FRMPD4: variants seen among roughly 807,000 people sequenced by gnomAD.
The protein encoded by FRMPD4 is FERM and PDZ domain containing 4, also known as FERM and PDZ domain-containing protein 4.
In FRMPD4, 22 loss-of-function variants were observed where a neutral mutation model predicts 94.1. That is an observed-to-expected ratio of 0.23 (90% CI 0.17 to 0.33). The LOEUF is 0.33. FRMPD4 is among the 10% of genes least tolerant of loss of function. The pLI, the probability that FRMPD4 is intolerant of heterozygous loss-of-function variation, is 1.00. For missense variants in FRMPD4, 1,111 were observed against 1,339.9 expected (o/e 0.83, Z 2.67); for synonymous variants, 631 against 548.6 (o/e 1.15, Z -2.10).
intron 1 of FRMPD4, among the ~76,000 whole-genome samples, chrX:12,343,271 G>A (rs1202887943): frequency 2.7e-5 from 3 of 111,992 alleles, no homozygotes; most frequent in Non-Finnish European, 5.6e-5. Context: ...GAGTGACCTT[G>A]GACTGGTGGA....
At chrX:12,698,558 A>G (rs774555242) in intron 9 of FRMPD4, among the ~76,000 whole-genome samples, 46 of 111,086 alleles carry the variant, frequency 4.1e-4, no homozygotes, top group South Asian at 1.6e-3. Context: ...ATTTGCTTGT[A>G]TAACTGTATT....
chrX:12,645,340 TCTCA>T (rs1441853936), intron 4 of FRMPD4, among the ~76,000 whole-genome samples: 6 of 96,972 alleles, frequency 6.2e-5, no homozygotes, highest in Non-Finnish European at 1.2e-4. Context: ...TTTTTAACAC[TCTCA>T]CTCTTTTTTT....
intron 2 of FRMPD4, among the ~76,000 whole-genome samples, chrX:12,587,068 G>A (rs1478570936): frequency 2.8e-5 from 3 of 108,618 alleles, no homozygotes; most frequent in East Asian, 2.9e-4. Context: ...CCTCTGCCTC[G>A]CGGGTTCAAG....
At chrX:12,178,063 G>T (rs957026484) in intron 1 of FRMPD4, among the ~76,000 whole-genome samples, 1 of 111,226 alleles carries the variant, frequency 9.0e-6, no homozygotes, top group African/African-American at 3.3e-5. Flanking sequence ...GGGGCCTTTG[G>T]GAGGTGATTA....
In FRMPD4 at chrX:11,901,173, T is replaced by G. The variant is rs765244684; in HGVS notation, c.95+23155T>G. On this transcript the variant is annotated intron_variant, in intron 3 of 18. Transcript: ENST00000640291. Reference sequence around the variant, plus strand: ...TACATGAGTAAGTTCAGTGGTTATTTGTGAGATTTTAGTGCACCCATCACC... The same window carrying G: ...TACATGAGTAAGTTCAGTGGTTATTGGTGAGATTTTAGTGCACCCATCACC... Among the ~76,000 whole-genome samples the G allele has an allele frequency of 2.7e-5, 3 of 111,650 alleles. No individual in the cohort carries two copies. In the South Asian group the frequency reaches 1.1e-3, roughly 43 times the overall value.
rs777067245 is a variant in FRMPD4 at position 12,614,797 on chromosome X, A to C, written c.338A>C (p.Lys113Thr). The change falls in exon 4 of 17, where the codon AAG (lysine) becomes ACG (threonine). Residue 113 changes from lysine to threonine, a missense_variant. Lys to Thr is a moderately conservative substitution (Grantham distance 78). Coordinates refer to ENST00000675598, the MANE Select transcript of FRMPD4 (RefSeq NM_001368397.1). ...SVTPGGPSEG[K>T]LIPGDQIVMI... ...TCTCCAGGTGGCCCCTCTGAAGGCA[A>C]GCTGATCCCGGGAGATCAGATTGTA... The C allele has an allele frequency of 1.7e-6, 2 of 1,178,672 alleles. No individual in the cohort carries two copies. The highest frequency in any genetic ancestry group is 2.3e-6 in the Non-Finnish European group (2 of 868,179).
At chrX:12,347,533 AC>A (rs1395752027) in intron 1 of FRMPD4, among the ~76,000 whole-genome samples, 1 of 111,993 alleles carries the variant, frequency 8.9e-6, no homozygotes, top group East Asian at 2.8e-4. Context: ...ACAATGCCTG[AC>A]CTTGAATTTT....
At chrX:12,309,766 C>T (rs1188203677) in intron 1 of FRMPD4, among the ~76,000 whole-genome samples, 3 of 112,726 alleles carry the variant, frequency 2.7e-5, no homozygotes, top group Non-Finnish European at 5.6e-5. Context: ...GTGTACAAAA[C>T]GCGGTGTCCT....
At chrX:11,860,944 A>G (rs2053683019) in intron 1 of FRMPD4, among the ~76,000 whole-genome samples, 1 of 112,196 alleles carries the variant, frequency 8.9e-6, no homozygotes, top group Non-Finnish European at 1.9e-5. Context: ...TAAGAGCAGA[A>G]TCAATTTGAA....
intron 1 of FRMPD4, among the ~76,000 whole-genome samples, chrX:12,480,333 G>GAAAAAAAA (rs35074731): frequency 7.0e-4 from 38 of 54,633 alleles, no homozygotes; most frequent in African/African-American, 9.8e-4. Context: ...GAAAAGAAAT[G>GAAAAAAAA]AAAAAAAAAA....
At chrX:12,581,854 A>G (rs2058869067) in intron 2 of FRMPD4, among the ~76,000 whole-genome samples, 1 of 111,844 alleles carries the variant, frequency 8.9e-6, no homozygotes, top group Admixed American at 9.5e-5. Context: ...TCTTGCTCAA[A>G]TGCCATTTTC....
intron 4 of FRMPD4, among the ~76,000 whole-genome samples, chrX:12,634,937 G>A (rs1335329576): frequency 3.9e-5 from 4 of 103,189 alleles, no homozygotes; most frequent in African/African-American, 1.4e-4. Flanking sequence ...GGGCTCAAGC[G>A]ATTCTTCTGC....
chrX:12,321,327 A>G (rs1288686793), intron 1 of FRMPD4, among the ~76,000 whole-genome samples: 1 of 112,254 alleles, frequency 8.9e-6, no homozygotes, highest in Non-Finnish European at 1.9e-5. Context: ...ACGTATACAG[A>G]TGGTCCCCAA....
chrX:12,006,910 GTA>G (rs1381671074), intron 3 of FRMPD4, among the ~76,000 whole-genome samples: 1 of 111,749 alleles, frequency 8.9e-6, no homozygotes, highest in African/African-American at 3.3e-5. Context: ...GAGAGTGAGG[GTA>G]TATGAGTCCA....
chrX:12,237,904 C>T (rs1187080053), intron 1 of FRMPD4, among the ~76,000 whole-genome samples: 3 of 111,826 alleles, frequency 2.7e-5, no homozygotes, highest in Non-Finnish European at 3.8e-5. Context: ...TTTTAGGTTG[C>T]CATTCAGAAG....
At chrX:12,509,913 C>A (rs929235501) in intron 2 of FRMPD4, among the ~76,000 whole-genome samples, 1 of 111,649 alleles carries the variant, frequency 9.0e-6, no homozygotes, top group African/African-American at 3.3e-5. Context: ...TGTATTTTAG[C>A]AACAAGTGGC....
At position 11,894,932 on chromosome X, in the gene FRMPD4, G is replaced by A. The variant is rs149053818; in HGVS notation, c.95+16914G>A. ...TTGGTTGCAAATAATACGATATGGA[G>A]TGATCTACATGCGGCAGATAGGGGA... On this transcript the variant is annotated intron_variant, in intron 3 of 18. Transcript: ENST00000640291. Among the ~76,000 whole-genome samples, 377 of 112,056 alleles carry A rather than the reference G, an allele frequency of 3.4e-3. 2 individuals carry two copies. The highest frequency in any genetic ancestry group is 9.1e-3 in the Middle Eastern group (2 of 219).
At chrX:12,481,965 A>AAAAAAAAAAAAAAAAAAAAAAAAAAAAC in intron 1 of FRMPD4, among the ~76,000 whole-genome samples, 2 of 98,002 alleles carry the variant, frequency 2.0e-5, no homozygotes, top group Non-Finnish European at 4.2e-5. Flanking sequence ...AAAAAAAAAA[A>AAAAAAAAAAAAAAAAAAAAAAAAAAAAC]AAAAAAGAAA....
intron 1 of FRMPD4, among the ~76,000 whole-genome samples, chrX:11,848,086 A>G (rs892229297): frequency 3.6e-5 from 4 of 110,722 alleles, no homozygotes; most frequent in African/African-American, 1.3e-4. Context: ...TATGATTAGG[A>G]GAAAGAAAGA....
Sources: gnomAD v4.1 joint callset for allele counts (sites outside exome capture counted in the v4.1 genomes callset) on GRCh38, gnomAD v4.1.1 for gene constraint, MANE v1.5 for transcripts, NCBI Gene and HGNC (gene_info 2026-07-23, HGNC 2026-07-21) for gene names.